Variants in LPP observed in about 807,000 individuals in gnomAD.
LPP encodes LIM domain containing preferred translocation partner in lipoma, also known as lipoma-preferred partner.
In LPP, 38 loss-of-function variants were observed where a neutral mutation model predicts 60.4. That is an observed-to-expected ratio of 0.63 (90% CI 0.49 to 0.83). The LOEUF (loss-of-function observed/expected upper bound fraction) is 0.83, where lower values mean the gene tolerates loss of function less well. LPP is among the 40% of genes least tolerant of loss of function. The pLI is 0.00. For synonymous variants in LPP, 328 were observed against 290.8 expected, an observed-to-expected ratio of 1.13 and a Z score of -1.30; for missense variants, 902 against 783.6, an observed-to-expected ratio of 1.15 and a Z score of -1.80.
At chr3:188,726,354 T>G (rs1049809785) in intron 8 of LPP, among the ~76,000 whole-genome samples, 1 of 152,026 alleles carries the variant, frequency 6.6e-6, no homozygotes, top group Non-Finnish European at 1.5e-5. Flanking sequence ...CTAAGTGATG[T>G]GAGAAAAAGA....
intron 5 of LPP, among the ~76,000 whole-genome samples, chr3:188,514,731 C>G (rs903174315): frequency 6.6e-6 from 1 of 152,200 alleles, no homozygotes; most frequent in Admixed American, 6.5e-5. Flanking sequence ...CATGAGCCAC[C>G]GTGCCTGGCG....
rs1181114563 is a variant in LPP at position 188,883,309 on chromosome 3, G to T, written c.*8830G>T. 2 of 215,188 alleles carry T rather than the reference G, an allele frequency of 9.3e-6. No individual in the cohort carries two copies. The highest frequency in any genetic ancestry group is 1.4e-4 in the East Asian group (2 of 14,596). 13.3% of individuals were successfully genotyped at this position (215,188 alleles called of 1,614,324 possible). On this transcript the variant is annotated 3_prime_UTR_variant, in exon 12 of 12. Coordinates refer to ENST00000617246, the MANE Select transcript of LPP (RefSeq NM_001375462.1). ...ATTAGAATTTGTGAGTTTTTTTGTT[G>T]CTGGTTGTACTTTCCTATTTAGAAG...
intron 2 of LPP, among the ~76,000 whole-genome samples, chr3:188,227,370 A>G (rs1718191562): frequency 8.7e-6 from 1 of 115,356 alleles, no homozygotes; most frequent in Non-Finnish European, 1.6e-5. Flanking sequence ...CCAAAGTGTG[A>G]TGTTCCCCTT....
intron 9 of LPP, among the ~76,000 whole-genome samples, chr3:188,773,244 T>A (rs1012784168): frequency 6.6e-6 from 1 of 152,032 alleles, no homozygotes; most frequent in African/African-American, 2.4e-5. Flanking sequence ...TTTTTGCTCT[T>A]GTCCCTGCAG....
At chr3:188,453,838 G>A (rs552778945) in intron 4 of LPP, among the ~76,000 whole-genome samples, 16 of 152,144 alleles carry the variant, frequency 1.1e-4, no homozygotes, top group African/African-American at 3.6e-4. Context: ...AAGGAGATGG[G>A]ACTTCGTTTA....
chr3:188,495,204 T>A (rs1466670530), intron 5 of LPP, among the ~76,000 whole-genome samples: 9 of 143,558 alleles, frequency 6.3e-5, no homozygotes, highest in East Asian at 2.0e-4. Flanking sequence ...TTTATAAATA[T>A]ATATATATTT....
intron 6 of LPP, among the ~76,000 whole-genome samples, chr3:188,579,048 TG>T (rs1446354164): frequency 6.6e-6 from 1 of 151,942 alleles, no homozygotes; most frequent in Non-Finnish European, 1.5e-5. Flanking sequence ...AAGGGGGTAG[TG>T]GGAGACTAAA....
chr3:188,242,814 G>C (rs746446565), intron 2 of LPP, among the ~76,000 whole-genome samples: 1 of 152,192 alleles, frequency 6.6e-6, no homozygotes, highest in Non-Finnish European at 1.5e-5. Flanking sequence ...TGTAGGGGAT[G>C]ATATTGAAGA....
At chr3:188,592,086 G>A (rs934565994) in intron 6 of LPP, among the ~76,000 whole-genome samples, 4 of 152,204 alleles carry the variant, frequency 2.6e-5, no homozygotes, top group Middle Eastern at 3.4e-3. Flanking sequence ...GCATAATACA[G>A]GACAGCGGAA....
chr3:188,501,143 G>A (rs1156444910), intron 5 of LPP, among the ~76,000 whole-genome samples: 1 of 151,872 alleles, frequency 6.6e-6, no homozygotes, highest in Non-Finnish European at 1.5e-5. Flanking sequence ...GTAGATTTAG[G>A]TTGTTGGTTT....
chr3:188,419,758 C>T (rs1787280438), intron 4 of LPP, among the ~76,000 whole-genome samples: 2 of 152,166 alleles, frequency 1.3e-5, no homozygotes, highest in Non-Finnish European at 2.9e-5. Flanking sequence ...GGCGTGGTGG[C>T]ACACACCTGT....
chr3:188,423,811 T>C (rs1788534489), intron 4 of LPP, among the ~76,000 whole-genome samples: 1 of 152,150 alleles, frequency 6.6e-6, no homozygotes, highest in African/African-American at 2.4e-5. Flanking sequence ...TTTGTTTTTT[T>C]CTTGAAAATT....
At position 188,667,190 on chromosome 3, in the gene LPP, A is replaced by C. The variant is rs1405053004; in HGVS notation, c.1114-41077A>C. ...GGATGTGAGTCCTAAAATCTTCGGTAGGAGTTGGCTGGGCGCAATGGCTCA... is the reference window on the plus strand; with the variant it reads ...GGATGTGAGTCCTAAAATCTTCGGTCGGAGTTGGCTGGGCGCAATGGCTCA... On this transcript the variant is annotated intron_variant, in intron 7 of 11. Coordinates refer to ENST00000617246, the MANE Select transcript of LPP (RefSeq NM_001375462.1). 2.6e-5 allele frequency among the ~76,000 whole-genome samples: 4 copies of C among 152,090 alleles called. No homozygotes were observed. In the East Asian group the frequency reaches 7.7e-4, roughly 29 times the overall value.
At chr3:188,491,009 C>A (rs988270648) in intron 5 of LPP, among the ~76,000 whole-genome samples, 2 of 152,102 alleles carry the variant, frequency 1.3e-5, no homozygotes, top group Non-Finnish European at 2.9e-5. Context: ...GATCCGCCTG[C>A]CTCAGCCTCC....
At chr3:188,394,128 C>G (rs561759234) in intron 3 of LPP, among the ~76,000 whole-genome samples, 1 of 152,066 alleles carries the variant, frequency 6.6e-6, no homozygotes, top group South Asian at 2.1e-4. Flanking sequence ...GTTATAAAGT[C>G]GTAAGGCTAC....
intron 3 of LPP, among the ~76,000 whole-genome samples, chr3:188,392,602 GTACAACTCACAGGTCAGT>G (rs1450383935): frequency 1.3e-5 from 2 of 152,132 alleles, no homozygotes; most frequent in Non-Finnish European, 2.9e-5. Flanking sequence ...TGCAATCACA[GTACAACTCACAGGTCAGT>G]TATTCTTGAA....
At chr3:188,275,564 T>A (rs1739342210) in intron 2 of LPP, among the ~76,000 whole-genome samples, 1 of 152,172 alleles carries the variant, frequency 6.6e-6, no homozygotes, top group Non-Finnish European at 1.5e-5. Context: ...GCATAAACAG[T>A]GTTTTGCTAT....
chr3:188,490,354 A>G (rs543700897), intron 5 of LPP, among the ~76,000 whole-genome samples: 2 of 152,186 alleles, frequency 1.3e-5, no homozygotes, highest in Non-Finnish European at 2.9e-5. Flanking sequence ...TTGTGAAAAC[A>G]ATTCAAAGCT....
chr3:188,807,204 A>G (rs1749423246), intron 9 of LPP, among the ~76,000 whole-genome samples: 1 of 151,890 alleles, frequency 6.6e-6, no homozygotes, highest in Non-Finnish European at 1.5e-5. Context: ...GTCTGCTGTC[A>G]ATGTCTTTCT....
Sources: allele counts gnomAD v4.1 joint callset (sites outside exome capture counted in the v4.1 genomes callset), GRCh38; gene constraint gnomAD v4.1.1; transcripts MANE v1.5; gene names NCBI Gene and HGNC (gene_info 2026-07-23, HGNC 2026-07-21).